FBLN5: variants seen among roughly 807,000 people sequenced by gnomAD.
FBLN5 encodes fibulin 5, also known as fibulin-5.
Under a neutral mutation model 61.6 loss-of-function variants are expected in FBLN5, and 24 were observed. That is an observed-to-expected ratio of 0.39 (90% CI 0.28 to 0.55). FBLN5 has a LOEUF of 0.55. Ranked by LOEUF, FBLN5 falls within the 20% of genes least tolerant of loss-of-function variation. FBLN5 has a pLI of 0.65. For synonymous variants in FBLN5, 213 were observed against 219.8 expected, an observed-to-expected ratio of 0.97 and a Z score of 0.27; for missense variants, 470 against 594.1, an observed-to-expected ratio of 0.79 and a Z score of 2.17.
At chr14:91,910,014 A>C (rs1296600779) in intron 4 of FBLN5, among the ~76,000 whole-genome samples, 1 of 152,206 alleles carries the variant, frequency 6.6e-6, no homozygotes, top group Non-Finnish European at 1.5e-5. Flanking sequence ...CAGCAATATT[A>C]CTTCTGGATA....
intron 4 of FBLN5, among the ~76,000 whole-genome samples, chr14:91,924,572 C>G (rs1218733791): frequency 6.6e-6 from 1 of 151,934 alleles, no homozygotes; most frequent in Non-Finnish European, 1.5e-5. Context: ...GTCCCAGCTA[C>G]TCGGGAGGCT....
chr14:91,931,925 A>G (rs903008903), intron 4 of FBLN5, among the ~76,000 whole-genome samples: 13 of 152,168 alleles, frequency 8.5e-5, no homozygotes, highest in African/African-American at 1.7e-4. Flanking sequence ...CTGAGGCTTC[A>G]GCACCACACC....
chr14:91,896,862 G>A lies in FBLN5; in HGVS notation c.380-1790C>T, dbSNP rs542375272. ...TCAGTTGGCTTCTTTGAATACGTAC[G>A]GTGGGGATGGGGGTGTCTAAGACCC... On this transcript the variant is annotated intron_variant, in intron 4 of 10. Transcript: ENST00000342058. 2.6e-5 allele frequency among the ~76,000 whole-genome samples: 4 copies of A among 152,326 alleles called. No individual in the cohort carries two copies. In the East Asian group the frequency reaches 7.7e-4, roughly 29 times the overall value.
At position 91,870,387 on chromosome 14, in the gene FBLN5, T is replaced by C. The variant is rs113439924; in HGVS notation, c.1186-2A>G. 1 of 1,613,586 alleles carries C rather than the reference T, an allele frequency of 6.2e-7. No individual in the cohort carries two copies. The highest frequency in any genetic ancestry group is 8.5e-7 in the Non-Finnish European group (1 of 1,180,018). On this transcript the variant is annotated splice_acceptor_variant, in intron 10 of 10. Transcript: ENST00000342058. LOFTEE classifies it high-confidence loss of function. Reference sequence around the variant, plus strand: ...GGTGGCACTGATGGGGCCCGTTTGCTATGGACAGAACCGGGGAACACCAGT... The same window carrying C: ...GGTGGCACTGATGGGGCCCGTTTGCCATGGACAGAACCGGGGAACACCAGT...
At chr14:91,881,507 G>A (rs1889467924) in intron 8 of FBLN5, 89 bp from the exon 9 acceptor site, 1 of 1,420,508 alleles carries the variant, frequency 7.0e-7, no homozygotes, top group Non-Finnish European at 9.9e-7. Flanking sequence ...TCTTACTACA[G>A]AGCTGTACTA....
chr14:91,882,910 A>T lies in FBLN5; in HGVS notation c.862+44T>A, dbSNP rs1308723373. On this transcript the variant is annotated intron_variant, in intron 8 of 10. Transcript: ENST00000342058. This position sits in a 1 kb window ranked among gnomAD's most constrained non-coding sequence, Gnocchi z 4.9. ...CCAGATGAGCCCCTGAAGCAGCTCC[A>T]CCTCACACATACACCCCAGCCAGGC... is the stretch of plus-strand genomic sequence containing the variant. 2.5e-6 allele frequency: 4 copies of T among 1,609,146 alleles called. No individual in the cohort carries two copies. In the South Asian group the frequency reaches 4.4e-5, roughly 18 times the overall value.
chr14:91,912,213 G>A (rs1284140001), intron 4 of FBLN5, among the ~76,000 whole-genome samples: 2 of 152,190 alleles, frequency 1.3e-5, no homozygotes, highest in Non-Finnish European at 2.9e-5. Context: ...AAGGCCCTTC[G>A]GGGCTGGGTA....
chr14:91,929,797 C>G (rs561226921), intron 4 of FBLN5, among the ~76,000 whole-genome samples: 1 of 152,358 alleles, frequency 6.6e-6, no homozygotes, highest in Admixed American at 6.5e-5. Context: ...CCTGGACCAG[C>G]AGCGTGGCAT....
chr14:91,945,428 C>T (rs1487030768), intron 1 of FBLN5, among the ~76,000 whole-genome samples: 1 of 152,018 alleles, frequency 6.6e-6, no homozygotes, highest in Non-Finnish European at 1.5e-5. Context: ...TTGGCAAGGG[C>T]ATGGAAAGAA....
chr14:91,884,308 C>A (rs542632406), intron 7 of FBLN5, among the ~76,000 whole-genome samples: 1 of 152,162 alleles, frequency 6.6e-6, no homozygotes, highest in Non-Finnish European at 1.5e-5. Context: ...TTTGGTTGTG[C>A]CTCCCCGCCT....
At chr14:91,940,059 A>C (rs2056082883) in intron 3 of FBLN5, 18 of 433,790 alleles carry the variant, frequency 4.1e-5, no homozygotes, top group South Asian at 3.0e-4. Flanking sequence ...GGCTTCTAAA[A>C]GGTAGGAATT....
At chr14:91,906,118 C>T (rs1174410914) in intron 4 of FBLN5, among the ~76,000 whole-genome samples, 2 of 151,972 alleles carry the variant, frequency 1.3e-5, no homozygotes, top group Non-Finnish European at 2.9e-5. Flanking sequence ...AACTCCCAAC[C>T]TCAGGTGATC....
chr14:91,891,153 G>T, intron 6 of FBLN5, 68 bp downstream of exon 6: 1 of 882,490 alleles, frequency 1.1e-6, no homozygotes. Context: ...AACATAAGCT[G>T]CCAGGTGCTG....
intron 4 of FBLN5, among the ~76,000 whole-genome samples, chr14:91,920,244 T>C (rs2055711390): frequency 6.6e-6 from 1 of 152,218 alleles, no homozygotes; most frequent in Admixed American, 6.5e-5. Flanking sequence ...TCCTGCCCCA[T>C]ATTTTCTGTC....
At chr14:91,916,683 T>C (rs1394960837) in intron 4 of FBLN5, among the ~76,000 whole-genome samples, 1 of 152,162 alleles carries the variant, frequency 6.6e-6, no homozygotes, top group African/African-American at 2.4e-5. Context: ...GGTGTGTGTA[T>C]GACTGAGATA....
Position 91,877,714 on chromosome 14 carries a change from G to C in FBLN5, c.990-32C>G, listed in dbSNP as rs199809577. 2.5e-6 allele frequency: 4 copies of C among 1,577,902 alleles called. No homozygotes were observed. In the African/African-American group the frequency reaches 5.4e-5, roughly 21 times the overall value. Reference sequence around the variant, plus strand: ...AAAGGGAAATCACGTGAGAACTCAAGAAATCCATTCCAGGTGCTGGCTGTG... The same window carrying C: ...AAAGGGAAATCACGTGAGAACTCAACAAATCCATTCCAGGTGCTGGCTGTG... On this transcript the variant is annotated intron_variant, in intron 9 of 10. Transcript: ENST00000342058.
In FBLN5 at chr14:91,870,036, C is replaced by A; in HGVS notation, c.*188G>T. On this transcript the variant is annotated 3_prime_UTR_variant, in exon 11 of 11. Transcript: ENST00000342058. ...ACTGTGTCATAGGAACTGGGGGTGG[C>A]AAGTCCTGCAGGGTGACAGGTCTGC... 3.1e-6 allele frequency: 2 copies of A among 647,790 alleles called. No homozygotes were observed. The highest frequency in any genetic ancestry group is 2.8e-5 in the East Asian group (1 of 35,978). The allele number at this position is 647,790 out of a possible 1,614,324, so 40.1% of individuals were successfully genotyped here. A position where few individuals can be genotyped will look rare whatever the true frequency, so the allele number is the denominator to read the frequency against.
At chr14:91,872,092 C>T (rs536455112) in intron 10 of FBLN5, among the ~76,000 whole-genome samples, 11 of 152,264 alleles carry the variant, frequency 7.2e-5, no homozygotes, top group South Asian at 6.2e-4. Context: ...CCCTGGCTGT[C>T]CTTGTCTAAG....
intron 10 of FBLN5, among the ~76,000 whole-genome samples, chr14:91,872,760 C>T (rs757566657): frequency 5.3e-5 from 8 of 152,176 alleles, no homozygotes; most frequent in Non-Finnish European, 1.0e-4. Context: ...CCTTGTCAGC[C>T]CTTACGAAAC....
Sources: gnomAD v4.1 joint callset for allele counts (sites outside exome capture counted in the v4.1 genomes callset) on GRCh38, gnomAD v4.1.1 for gene constraint, Gnocchi (gnomAD v3.1) non-coding constraint, MANE v1.5 for transcripts, NCBI Gene and HGNC (gene_info 2026-07-23, HGNC 2026-07-21) for gene names.